ANK3: variants seen among roughly 807,000 people sequenced by gnomAD.
The protein encoded by ANK3 is ankyrin-3.
In ANK3, 57 loss-of-function variants were observed where a neutral mutation model predicts 370.9. The ratio of observed to expected loss-of-function variants is 0.15; its 90% CI spans 0.12 to 0.19. The LOEUF is 0.19. Among genes scored for constraint, ANK3 ranks in the 10% least tolerant of loss-of-function variants. The pLI, the probability that ANK3 is intolerant of heterozygous loss-of-function variation, is 1.00. For synonymous variants in ANK3, 1,929 were observed against 1,946.3 expected (o/e 0.99, Z 0.23); for missense variants, 4,439 against 5,302.1 (o/e 0.84, Z 5.06).
At chr10:60,719,797 T>C (rs1165579941) in intron 1 of ANK3, among the ~76,000 whole-genome samples, 1 of 152,232 alleles carries the variant, frequency 6.6e-6, no homozygotes, top group Non-Finnish European at 1.5e-5. Context: ...TTATTTGCTA[T>C]ATTACTTGGT....
In ANK3 at chr10:60,420,768, T is replaced by C. The variant is rs947756398; in HGVS notation, c.97-141129A>G. Among the ~76,000 whole-genome samples, 123 of 152,010 alleles carry C rather than the reference T, an allele frequency of 8.1e-4. 1 individual carries two copies. The highest frequency in any genetic ancestry group is 2.9e-3 in the African/African-American group (121 of 41,396). On this transcript the variant is annotated intron_variant, in intron 2 of 43. Transcript: ENST00000373827. ...GGAAGAAAAGGAGAGATCCCTTTTA[T>C]AAAAGGGAATAAAAAGTTACCTTAA...
intron 2 of ANK3, among the ~76,000 whole-genome samples, chr10:60,397,003 T>C (rs2063254519): frequency 6.6e-6 from 1 of 152,190 alleles, no homozygotes; most frequent in Admixed American, 6.5e-5. Flanking sequence ...TTTCAAAACA[T>C]TTCTTTCAAG....
At chr10:60,417,301 C>G (rs933175656) in intron 2 of ANK3, among the ~76,000 whole-genome samples, 2 of 152,126 alleles carry the variant, frequency 1.3e-5, no homozygotes, top group Admixed American at 6.5e-5. Context: ...TGAGAAACAG[C>G]AACTTGACGG....
intron 25 of ANK3, among the ~76,000 whole-genome samples, chr10:60,127,521 T>C (rs11598556): frequency 0.049 from 7,395 of 152,246 alleles, 223 homozygotes; most frequent in Non-Finnish European, 0.057. Context: ...CTACAGTATA[T>C]ACATACCTTT....
intron 1 of ANK3, among the ~76,000 whole-genome samples, chr10:60,293,966 C>T (rs911651775): frequency 1.3e-5 from 2 of 152,142 alleles, no homozygotes; most frequent in African/African-American, 4.8e-5. Context: ...TGTTATGAAT[C>T]AGAACAAGGA....
Position 60,069,641 on chromosome 10 carries a change from G to T in ANK3, c.11240C>A (p.Ala3747Glu). 4 of 1,614,028 alleles carry T rather than the reference G, an allele frequency of 2.5e-6. No homozygotes were observed. Among genetic ancestry groups the T allele is most frequent in the Non-Finnish European group, 3.4e-6 (4 of 1,179,984 alleles). Residue 3747 changes from alanine (A) to glutamate (E), a missense_variant, in exon 37 of 44, where the codon GCG (alanine) becomes GAG (glutamate). Physicochemically the swap from Ala to Glu is moderately radical, Grantham distance 107. Coordinates refer to ENST00000280772, the MANE Select transcript of ANK3 (RefSeq NM_020987.5). The part of the protein sequence containing the change: ...GPGEITDKIE[A>E]VMTSCQGLEN... ...TAATCCCTGACAACTGGTCATCACC[G>T]CTTCTATCTTATCTGTTATTTCTCC...
At chr10:60,456,255 C>A (rs569457494) in intron 2 of ANK3, among the ~76,000 whole-genome samples, 1 of 152,298 alleles carries the variant, frequency 6.6e-6, no homozygotes, top group South Asian at 2.1e-4. Flanking sequence ...CTGCCAGCGC[C>A]CCCTTTGGGG....
chr10:60,461,240 A>G (rs978432537), intron 2 of ANK3, among the ~76,000 whole-genome samples: 6 of 152,156 alleles, frequency 3.9e-5, no homozygotes, highest in Admixed American at 3.9e-4. Context: ...ATCTGAAGAG[A>G]AAAACTCTTT....
chr10:60,248,837 G>A (rs2097596822), intron 7 of ANK3, among the ~76,000 whole-genome samples: 2 of 152,192 alleles, frequency 1.3e-5, no homozygotes, highest in African/African-American at 4.8e-5. Context: ...TCACAGAAGA[G>A]AAAATATATC....
chr10:60,197,100 A>G (rs763986530), intron 14 of ANK3, among the ~76,000 whole-genome samples: 12 of 152,182 alleles, frequency 7.9e-5, no homozygotes, highest in Non-Finnish European at 1.6e-4. Context: ...CAGACCAGCC[A>G]CTTTTCTTCT....
chr10:60,219,200 T>C (rs1409972940), intron 8 of ANK3, among the ~76,000 whole-genome samples: 1 of 152,108 alleles, frequency 6.6e-6, no homozygotes, highest in Non-Finnish European at 1.5e-5. Context: ...TCAAGGTTCT[T>C]AGCTTCTTTG....
intron 1 of ANK3, among the ~76,000 whole-genome samples, chr10:60,688,259 T>A (rs181614111): frequency 1.5e-3 from 231 of 151,996 alleles, no homozygotes; most frequent in Non-Finnish European, 1.5e-3. Context: ...AGAGACAGGG[T>A]TTTGCCATGT....
intron 1 of ANK3, among the ~76,000 whole-genome samples, chr10:60,645,055 GCTTTTT>G (rs1211567288): frequency 6.6e-6 from 1 of 151,834 alleles, no homozygotes; most frequent in Non-Finnish European, 1.5e-5. Context: ...ATATCTTAAT[GCTTTTT>G]CCATTTAATT....
chr10:60,675,575 T>G (rs1025705588), intron 1 of ANK3, among the ~76,000 whole-genome samples: 3 of 152,222 alleles, frequency 2.0e-5, no homozygotes, highest in Admixed American at 1.3e-4. Context: ...TAAGTATTTT[T>G]TGAATGAATG....
intron 2 of ANK3, among the ~76,000 whole-genome samples, chr10:60,468,079 G>A (rs933789403): frequency 1.3e-5 from 2 of 151,354 alleles, no homozygotes; most frequent in Admixed American, 1.3e-4. Flanking sequence ...CCGCCTCCTG[G>A]GTTCAAGTGA....
At chr10:60,291,401 C>CA (rs1415012783) in intron 1 of ANK3, among the ~76,000 whole-genome samples, 2 of 151,994 alleles carry the variant, frequency 1.3e-5, no homozygotes. Context: ...TATTTTGACT[C>CA]AAAACTTTCA....
chr10:60,473,013 T>C (rs1372008720), intron 2 of ANK3, among the ~76,000 whole-genome samples: 1 of 152,164 alleles, frequency 6.6e-6, no homozygotes, highest in Non-Finnish European at 1.5e-5. Flanking sequence ...TAGGAATTAT[T>C]TCATGCATAA....
intron 18 of ANK3, among the ~76,000 whole-genome samples, chr10:60,177,722 C>T (rs61845854): frequency 0.14 from 20,531 of 151,322 alleles, 1,806 homozygotes; most frequent in Non-Finnish European, 0.19. Context: ...CTCAGCCTCC[C>T]GAGTAGCTGG....
At chr10:60,041,263 A>G (rs928968348) in intron 43 of ANK3, among the ~76,000 whole-genome samples, 2 of 152,200 alleles carry the variant, frequency 1.3e-5, no homozygotes, top group African/African-American at 4.8e-5. Flanking sequence ...AAAATCCCTT[A>G]GTGGTTTCCC....
Sources: allele counts gnomAD v4.1 joint callset (sites outside exome capture counted in the v4.1 genomes callset), GRCh38; gene constraint gnomAD v4.1.1; transcripts MANE v1.5; gene names NCBI Gene and HGNC (gene_info 2026-07-23, HGNC 2026-07-21).